SMG1: variants seen among roughly 807,000 people sequenced by gnomAD.
The protein encoded by SMG1 is serine/threonine-protein kinase SMG1.
A neutral mutation model predicts 419.9 loss-of-function variants in SMG1; 22 were observed. The ratio of observed to expected loss-of-function variants is 0.05; its 90% CI spans 0.04 to 0.07. The LOEUF (loss-of-function observed/expected upper bound fraction) is 0.07, where lower values mean the gene tolerates loss of function less well. Among genes scored for constraint, SMG1 ranks in the 10% least tolerant of loss-of-function variants. SMG1 has a pLI of 1.00. For missense variants in SMG1, 3,185 were observed against 4,342.0 expected (o/e 0.73, Z 7.49); for synonymous variants, 1,538 against 1,553.5 (o/e 0.99, Z 0.23).
intron 60 of SMG1, among the ~76,000 whole-genome samples, chr16:18,813,703 T>C (rs2031697500): frequency 6.6e-6 from 1 of 152,220 alleles, no homozygotes; most frequent in Non-Finnish European, 1.5e-5. Context: ...TTTGTTGCCA[T>C]TGCTTTTGGT....
intron 1 of SMG1, among the ~76,000 whole-genome samples, chr16:18,901,582 G>A (rs571996812): frequency 6.6e-6 from 1 of 152,220 alleles, no homozygotes; most frequent in African/African-American, 2.4e-5. Flanking sequence ...CTTAACTATT[G>A]TAAAATTGTA....
In SMG1 at chr16:18,863,812, G is replaced by C; in HGVS notation, c.3533C>G (p.Ser1178Cys). ...RKTVLSKPTD[S>C]SPEVINYLGN... ...TAAATAATTTATAACCTCAGGGGAAGAGTCAGTCGGTTTGGACAGCACAGT... is the reference window on the plus strand; with the variant it reads ...TAAATAATTTATAACCTCAGGGGAACAGTCAGTCGGTTTGGACAGCACAGT... Residue 1178 changes from serine to cysteine, a missense_variant, in exon 25 of 63, where the codon TCT becomes TGT. Ser to Cys is a moderately radical substitution (Grantham distance 112, BLOSUM62 -1). Around this residue, in one of 27 missense-constraint regions of SMG1, gnomAD observed 121 missense variants for 125.4 expected, o/e 0.96. Coordinates refer to ENST00000446231, the MANE Select transcript of SMG1 (RefSeq NM_015092.5). 1.3e-6 allele frequency: 2 copies of C among 1,587,068 alleles called. No individual in the cohort carries two copies. The highest frequency in any genetic ancestry group is 1.1e-5 in the South Asian group (1 of 90,386).
chr16:18,837,178 C>T, intron 46 of SMG1, 75 bp downstream of exon 46: 2 of 1,239,186 alleles, frequency 1.6e-6, no homozygotes, highest in Non-Finnish European at 2.2e-6. Flanking sequence ...AATTCTAATC[C>T]ATATTGATGT....
Position 18,866,689 on chromosome 16 carries a change from G to C in SMG1, c.3282C>G (p.Val1094=), listed in dbSNP as rs2035529168. ...TTTTTCCAACAATAGATGATGACCA[G>C]ACAGCAATTCCCTGTATAGCTTCAG... ...HCPEAIQGIA[V]WSSSIVGKNL... The change falls in exon 23 of 63, where the codon GTC becomes GTG. Residue 1094 remains valine (V), a synonymous_variant. Coordinates refer to ENST00000446231, the MANE Select transcript of SMG1 (RefSeq NM_015092.5). 1 of 1,593,496 alleles carries C rather than the reference G, an allele frequency of 6.3e-7. No homozygotes were observed. The highest frequency in any genetic ancestry group is 8.5e-7 in the Non-Finnish European group (1 of 1,176,158).
chr16:18,814,311 T>C (rs1355099921), intron 60 of SMG1, among the ~76,000 whole-genome samples: 8 of 151,206 alleles, frequency 5.3e-5, no homozygotes, highest in Non-Finnish European at 1.0e-4. Flanking sequence ...TTGTATTAAG[T>C]ATTTTCCTAT....
At position 18,830,127 on chromosome 16, in the gene SMG1, A is replaced by C; in HGVS notation, c.8944-12T>G. The stretch of plus-strand genomic sequence containing the variant: ...TCCATCTTGTTCAACTATGTAAATG[A>C]AAGAAAACAAAGTTCATTTCTCCAC... On this transcript the variant is annotated splice_polypyrimidine_tract_variant and intron_variant, in intron 52 of 62. Transcript: ENST00000446231. The C allele has an allele frequency of 6.3e-7, 1 of 1,599,802 alleles. No individual in the cohort carries two copies. Among genetic ancestry groups the C allele is most frequent in the Non-Finnish European group, 8.5e-7 (1 of 1,172,106 alleles).
At position 18,869,236 on chromosome 16, in the gene SMG1, T is replaced by A. The variant is rs777103103; in HGVS notation, c.2701A>T (p.Ile901Phe). The change falls in exon 20 of 63, where the codon ATT becomes TTT. Residue 901 changes from isoleucine (I) to phenylalanine (F), a missense_variant. Transcript: ENST00000446231. The stretch of plus-strand genomic sequence containing the variant: ...TCTGTCTTCAGGAGATTGCGTGGAA[T>A]TGTTGACTGGTCACGCTTATCCAGT... ...QRLDKRDQST[I>F]PRNLLKTDAV... 6.2e-7 allele frequency: 1 copy of A among 1,611,666 alleles called. No homozygotes were observed. Among genetic ancestry groups the A allele is most frequent in the Non-Finnish European group, 8.5e-7 (1 of 1,179,586 alleles).
intron 1 of SMG1, among the ~76,000 whole-genome samples, chr16:18,905,949 G>A (rs931440056): frequency 2.6e-5 from 4 of 151,934 alleles, no homozygotes; most frequent in Non-Finnish European, 5.9e-5. Context: ...ATTTCATTGT[G>A]TATCATTTCA....
intron 56 of SMG1, 27 bp from the exon 57 acceptor site, chr16:18,817,497 G>A: frequency 6.7e-7 from 1 of 1,500,940 alleles, no homozygotes; most frequent in South Asian, 1.3e-5. Flanking sequence ...GGAACCACAA[G>A]AGGAGATGGG....
In SMG1 at chr16:18,805,380, G is replaced by C. The variant is rs889224346; in HGVS notation, c.*4189C>G. ...TCTTCAAAAATCTTCTAAATTGTATGACACTTTTACATTAGCACAACAAAC... is the reference window on the plus strand; with the variant it reads ...TCTTCAAAAATCTTCTAAATTGTATCACACTTTTACATTAGCACAACAAAC... On this transcript the variant is annotated 3_prime_UTR_variant, in exon 63 of 63. Coordinates refer to ENST00000446231, the MANE Select transcript of SMG1 (RefSeq NM_015092.5). 3 of 152,178 alleles carry C rather than the reference G, an allele frequency of 2.0e-5. No individual in the cohort carries two copies. Among genetic ancestry groups the C allele is most frequent in the Non-Finnish European group, 1.5e-5 (1 of 68,016 alleles). 9.4% of individuals were successfully genotyped at this position (152,178 alleles called of 1,614,324 possible).
chr16:18,890,135 A>C (rs1365365372), intron 5 of SMG1, among the ~76,000 whole-genome samples: 3 of 152,096 alleles, frequency 2.0e-5, no homozygotes, highest in Non-Finnish European at 2.9e-5. Flanking sequence ...ATGACCACAC[A>C]CCTCTGGAGA....
chr16:18,919,541 G>A (rs1033106008), intron 1 of SMG1, among the ~76,000 whole-genome samples: 5 of 151,134 alleles, frequency 3.3e-5, no homozygotes, highest in Non-Finnish European at 5.9e-5. Flanking sequence ...GGAGAATGGC[G>A]TGAACCCGGG....
At chr16:18,920,280 G>A (rs2038145343) in intron 1 of SMG1, among the ~76,000 whole-genome samples, 2 of 151,762 alleles carry the variant, frequency 1.3e-5, no homozygotes, top group South Asian at 2.1e-4. Flanking sequence ...TACTTAGGAG[G>A]CTGAGACAGG....
In SMG1 at chr16:18,857,897, G is replaced by A. The variant is rs565338007; in HGVS notation, c.4234+273C>T. 6.5e-5 allele frequency: 14 copies of A among 215,662 alleles called. No individual in the cohort carries two copies. The South Asian group carries it at 1.2e-3, about 19-fold the overall frequency. The allele number at this position is 215,662 out of a possible 1,614,324, so 13.4% of individuals were successfully genotyped here. A position where few individuals can be genotyped will look rare whatever the true frequency, so the allele number is the denominator to read the frequency against. On this transcript the variant is annotated intron_variant, in intron 29 of 62. Coordinates refer to ENST00000446231, the MANE Select transcript of SMG1 (RefSeq NM_015092.5). ...AGAGAACATGTTGTTATGATTTCAC[G>A]TACATGAAACTTTAGTAAAGACAAG...
Position 18,829,958 on chromosome 16 carries a change from C to T in SMG1, c.9101G>A (p.Arg3034Lys), listed in dbSNP as rs773218759. 6.4e-7 allele frequency: 1 copy of T among 1,572,948 alleles called. No homozygotes were observed. Among genetic ancestry groups the T allele is most frequent in the Non-Finnish European group, 8.6e-7 (1 of 1,162,526 alleles). ...TGTTTTAGAAAAGGTACCACAGAGCCTGAAGAACTCCTTAATAGTCTGTAG... is the reference window on the plus strand; with the variant it reads ...TGTTTTAGAAAAGGTACCACAGAGCTTGAAGAACTCCTTAATAGTCTGTAG... ...KRLQTIKEFF[R>K]LCGTFSKTLS... Residue 3034 changes from arginine to lysine, a missense_variant, in exon 53 of 63, where the codon AGG becomes AAG. Coordinates refer to ENST00000446231, the MANE Select transcript of SMG1 (RefSeq NM_015092.5).
chr16:18,918,945 C>T (rs1371391569), intron 1 of SMG1, among the ~76,000 whole-genome samples: 1 of 152,126 alleles, frequency 6.6e-6, no homozygotes, highest in Non-Finnish European at 1.5e-5. Context: ...TCACAAAATC[C>T]ACATGCTCTC....
intron 49 of SMG1, 137 bp from the exon 50 acceptor site, chr16:18,834,575 G>A (rs572288693): frequency 2.5e-4 from 201 of 789,126 alleles, no homozygotes; most frequent in African/African-American, 2.3e-3. Flanking sequence ...CCAGGAGTTC[G>A]AGACCAGCCT....
At chr16:18,865,365 G>A (rs2035445451) in intron 23 of SMG1, among the ~76,000 whole-genome samples, 1 of 152,162 alleles carries the variant, frequency 6.6e-6, no homozygotes, top group East Asian at 1.9e-4. Flanking sequence ...AGGGAAGGGG[G>A]TACTCTATTA....
At position 18,819,659 on chromosome 16, in the gene SMG1, A is replaced by T; in HGVS notation, c.9742-5T>A. 1 of 1,548,570 alleles carries T rather than the reference A, an allele frequency of 6.5e-7. No individual in the cohort carries two copies. On this transcript the variant is annotated splice_region_variant and splice_polypyrimidine_tract_variant and intron_variant, in intron 55 of 62. Coordinates refer to ENST00000446231, the MANE Select transcript of SMG1 (RefSeq NM_015092.5). Reference sequence around the variant, plus strand: ...TTCAAGTGCAGCTAGCTTCTCCTATAAAAGCCAGCAGAATCTTGGTGAAGG... The same window carrying T: ...TTCAAGTGCAGCTAGCTTCTCCTATTAAAGCCAGCAGAATCTTGGTGAAGG...
Sources: gnomAD v4.1 joint callset for allele counts (sites outside exome capture counted in the v4.1 genomes callset) on GRCh38, gnomAD v4.1.1 for gene constraint, gnomAD v4.1.1 regional missense constraint, MANE v1.5 for transcripts, NCBI Gene and HGNC (gene_info 2026-07-23, HGNC 2026-07-21) for gene names.